INPP5D: variants seen among roughly 807,000 people sequenced by gnomAD.
INPP5D encodes the protein phosphatidylinositol 3,4,5-trisphosphate 5-phosphatase 1.
A neutral mutation model predicts 122.9 loss-of-function variants in INPP5D; 33 were observed. The observed-to-expected ratio is 0.27, with a 90% CI of 0.20 to 0.36. The LOEUF is 0.36. INPP5D is among the 10% of genes least tolerant of loss of function. The probability of loss-of-function intolerance (pLI) is 1.00; values close to 1 mark genes in which losing one functional copy is unlikely to be tolerated. For missense variants in INPP5D, 1,053 were observed against 1,412.7 expected, an observed-to-expected ratio of 0.75 and a Z score of 4.08; for synonymous variants, 584 against 576.2, an observed-to-expected ratio of 1.01 and a Z score of -0.19.
At chr2:233,147,408 G>T (rs138059666) in intron 8 of INPP5D, 63 bp from the exon 9 acceptor site, 1 of 696,486 alleles carries the variant, frequency 1.4e-6, no homozygotes, top group Admixed American at 2.0e-5. Flanking sequence ...GGGTTCGGGC[G>T]GGGGAAGCCT....
At chr2:233,162,879 C>T (rs1694232084) in intron 11 of INPP5D, among the ~76,000 whole-genome samples, 1 of 152,202 alleles carries the variant, frequency 6.6e-6, no homozygotes, top group South Asian at 2.1e-4. Flanking sequence ...AATAGTCTGC[C>T]TGATCTCCTC....
rs1257940220 is a variant in INPP5D, at chr2:233,139,843, G to A, written c.667G>A (p.Glu223Lys). 7.5e-6 allele frequency: 3 copies of A among 398,642 alleles called. No individual in the cohort carries two copies. Among genetic ancestry groups the A allele is most frequent in the African/African-American group, 2.1e-5 (1 of 48,616 alleles). The allele number at this position is 398,642 out of a possible 1,614,324, so 24.7% of individuals were successfully genotyped here. The change falls in exon 6 of 27, where the codon GAA becomes AAA. Residue 223 changes from glutamate (E) to lysine (K), a missense_variant and splice_region_variant. Physicochemically the swap from Glu to Lys is moderately conservative, Grantham distance 56 (BLOSUM62 1). This residue lies in a region of INPP5D where 196 missense variants were observed against 175.6 expected (regional missense o/e 1.12). Coordinates refer to ENST00000445964, the MANE Select transcript of INPP5D (RefSeq NM_001017915.3). ...TTLLCKELYG[E>K]VIRTLPSLES... ...GTTCACCTTGTCCCCTGCCCCCAGA[G>A]AAGTCATCCGGACCCTCCCATCCCT...
intron 2 of INPP5D, among the ~76,000 whole-genome samples, chr2:233,118,412 C>T (rs983359533): frequency 1.3e-5 from 2 of 152,218 alleles, no homozygotes; most frequent in South Asian, 2.1e-4. Context: ...CCCACCCCTC[C>T]GCTGTCTGGG....
rs1422969730 is a variant in INPP5D, at chr2:233,128,757, C to T, written c.525-1751C>T. ...CCTCCCAAAGTGCTGGGATTATAGG[C>T]GTGACCCACCATGCCTGGCAATTCC... On this transcript the variant is annotated intron_variant, in intron 4 of 26. Coordinates refer to ENST00000445964, the MANE Select transcript of INPP5D (RefSeq NM_001017915.3). The surrounding 1 kb of genome is among the most constrained non-coding windows in gnomAD (Gnocchi z 4.5). Among the ~76,000 whole-genome samples, 5 of 152,180 alleles carry T rather than the reference C, an allele frequency of 3.3e-5. No individual in the cohort carries two copies. Among genetic ancestry groups the T allele is most frequent in the African/African-American group, 9.7e-5 (4 of 41,444 alleles).
chr2:233,087,167 C>T (rs567249409), intron 2 of INPP5D, among the ~76,000 whole-genome samples: 2 of 152,254 alleles, frequency 1.3e-5, no homozygotes, highest in South Asian at 2.1e-4. Flanking sequence ...GAGGCCACTT[C>T]GGGTTTGCCA....
At chr2:233,063,497 A>G (rs1051560360) in intron 1 of INPP5D, among the ~76,000 whole-genome samples, 2 of 152,238 alleles carry the variant, frequency 1.3e-5, no homozygotes, top group Non-Finnish European at 1.5e-5. Flanking sequence ...GGATTTGACT[A>G]TGTAAATGGA....
At chr2:233,093,315 T>C (rs1162443200) in intron 2 of INPP5D, among the ~76,000 whole-genome samples, 1 of 152,148 alleles carries the variant, frequency 6.6e-6, no homozygotes, top group Admixed American at 6.6e-5. Flanking sequence ...AAACTATCAG[T>C]GTAGATATGT....
At chr2:233,086,119 CTCTTTCTTTCTTTCTTTCTTTCTTTCTT>C (rs10539341) in intron 2 of INPP5D, among the ~76,000 whole-genome samples, 19 of 93,916 alleles carry the variant, frequency 2.0e-4, no homozygotes, top group East Asian at 5.5e-4. Context: ...ATAAGATAGC[CTCTTTCTTTCTTTCTTTCTTTCTTTCTT>C]TCTTTCTTTC....
intron 1 of INPP5D, among the ~76,000 whole-genome samples, chr2:233,063,459 G>C (rs1691129168): frequency 6.6e-6 from 1 of 152,232 alleles, no homozygotes; most frequent in African/African-American, 2.4e-5. Context: ...TCACCAGGGA[G>C]GGGCCTTTGT....
chr2:233,178,703 C>G (rs1019079820), intron 18 of INPP5D, among the ~76,000 whole-genome samples: 1 of 152,116 alleles, frequency 6.6e-6, no homozygotes, highest in Non-Finnish European at 1.5e-5. Context: ...AGGCTGGTCT[C>G]GAACTCCTGA....
rs1199313953 is a variant in INPP5D at position 233,184,425 on chromosome 2, A to C, written c.2179A>C (p.Ser727Arg). ...VSKNGPGTVD[S>R]QGQIEFLRCY... ...TGTTCCAGGTCCCGGGACTGTTGACAGCCAAGGACAGATTGAGTTTCTCAG... is the reference window on the plus strand; with the variant it reads ...TGTTCCAGGTCCCGGGACTGTTGACCGCCAAGGACAGATTGAGTTTCTCAG... Residue 727 changes from serine to arginine, a missense_variant, in exon 20 of 27, where the codon AGC becomes CGC. Physicochemically the swap from Ser to Arg is moderately radical, Grantham distance 110. Coordinates refer to ENST00000445964, the MANE Select transcript of INPP5D (RefSeq NM_001017915.3). The C allele has an allele frequency of 6.2e-7, 1 of 1,614,018 alleles. No individual in the cohort carries two copies. Among genetic ancestry groups the C allele is most frequent in the Admixed American group, 1.7e-5 (1 of 60,018 alleles).
At chr2:233,126,159 C>T (rs929829698) in intron 4 of INPP5D, among the ~76,000 whole-genome samples, 8 of 152,226 alleles carry the variant, frequency 5.3e-5, no homozygotes, top group African/African-American at 1.4e-4. Flanking sequence ...GGGAGCACTC[C>T]GTCTCCAGGC....
intron 5 of INPP5D, among the ~76,000 whole-genome samples, chr2:233,135,501 C>T (rs1693443846): frequency 6.6e-6 from 1 of 152,024 alleles, no homozygotes; most frequent in African/African-American, 2.4e-5. Context: ...AAATCTCTTA[C>T]AATGTCTCTA....
chr2:233,102,692 C>CA (rs907108517), intron 2 of INPP5D, among the ~76,000 whole-genome samples: 12 of 148,220 alleles, frequency 8.1e-5, no homozygotes, highest in African/African-American at 2.3e-4. Context: ...ACTAAAAATG[C>CA]AAAAAAAATT....
At chr2:233,166,618 C>G (rs7558417) in intron 13 of INPP5D, among the ~76,000 whole-genome samples, 1 of 152,120 alleles carries the variant, frequency 6.6e-6, no homozygotes, top group East Asian at 1.9e-4. Flanking sequence ...TTCCCCTCCT[C>G]TCTGCCCTGG....
At chr2:233,130,170 C>G (rs1693280205) in intron 4 of INPP5D, among the ~76,000 whole-genome samples, 1 of 152,216 alleles carries the variant, frequency 6.6e-6, no homozygotes, top group Non-Finnish European at 1.5e-5. Flanking sequence ...GCTGGGATTA[C>G]AGTTGTGAGC....
intron 21 of INPP5D, among the ~76,000 whole-genome samples, chr2:233,186,139 A>C (rs1253572963): frequency 1.3e-5 from 2 of 152,196 alleles, no homozygotes; most frequent in African/African-American, 2.4e-5. Flanking sequence ...TTATTCCTAA[A>C]TGGTTTCAGT....
At chr2:233,110,107 A>G (rs1444126446) in intron 2 of INPP5D, among the ~76,000 whole-genome samples, 1 of 148,502 alleles carries the variant, frequency 6.7e-6, no homozygotes, top group African/African-American at 2.5e-5. Flanking sequence ...ACTGGAGTGC[A>G]GTGGCATGAT....
chr2:233,129,855 T>G (rs991826196), intron 4 of INPP5D, among the ~76,000 whole-genome samples: 1 of 151,934 alleles, frequency 6.6e-6, no homozygotes, highest in Admixed American at 6.6e-5. Flanking sequence ...ACAATTCCAC[T>G]TACACTTTCC....
Sources: allele counts gnomAD v4.1 joint callset (sites outside exome capture counted in the v4.1 genomes callset), GRCh38; gene constraint gnomAD v4.1.1; regional missense constraint gnomAD v4.1.1; non-coding constraint Gnocchi (gnomAD v3.1); transcripts MANE v1.5; gene names NCBI Gene and HGNC (gene_info 2026-07-23, HGNC 2026-07-21).